The following FBXO42 variants were observed in gnomAD, a reference collection of about 807,000 sequenced individuals.
The protein encoded by FBXO42 is F-box only protein 42.
In FBXO42, 12 loss-of-function variants were observed where a neutral mutation model predicts 71.7. That is an observed-to-expected ratio of 0.17 (90% CI 0.11 to 0.27). FBXO42 has a LOEUF of 0.27. Among genes scored for constraint, FBXO42 ranks in the 10% least tolerant of loss-of-function variants. The pLI is 1.00. For synonymous variants in FBXO42, 325 were observed against 327.5 expected, an observed-to-expected ratio of 0.99 and a Z score of 0.08; for missense variants, 707 against 911.9, an observed-to-expected ratio of 0.78 and a Z score of 2.89.
chr1:16,308,512 T>C (rs1330010867), intron 2 of FBXO42, among the ~76,000 whole-genome samples: 3 of 148,746 alleles, frequency 2.0e-5, no homozygotes, highest in African/African-American at 5.1e-5. Flanking sequence ...TTTTTTTTTT[T>C]TCCTTTAGAC....
In FBXO42 at chr1:16,315,088, GA is replaced by G. The variant is rs376513483; in HGVS notation, c.250+80del. 13,268 of 1,479,292 alleles carry G rather than the reference GA, an allele frequency of 9.0e-3. 73 individuals carry two copies. The highest frequency in any genetic ancestry group is 0.01 in the Non-Finnish European group (11,486 of 1,098,134). The allele number at this position is 1,479,292 out of a possible 1,614,324, so 91.6% of individuals were successfully genotyped here. A position where few individuals can be genotyped will look rare whatever the true frequency, so the allele number is the denominator to read the frequency against. On this transcript the variant is annotated intron_variant, in intron 2 of 9. Transcript: ENST00000375592. ...TATAACCATAATACATTTAAGGGAG[GA>G]AAAAAACTAAATTTGGAGTCTAAAA...
intron 4 of FBXO42, chr1:16,292,897 A>G (rs2082093974): frequency 6.6e-6 from 1 of 152,178 alleles, no homozygotes; most frequent in African/African-American, 2.4e-5. Context: ...ATATTTTAGA[A>G]TCCATAACTC....
At chr1:16,279,415 C>A (rs2081937032) in intron 4 of FBXO42, among the ~76,000 whole-genome samples, 2 of 152,128 alleles carry the variant, frequency 1.3e-5, no homozygotes, top group African/African-American at 2.4e-5. Flanking sequence ...CCAGCCTGGG[C>A]AACAGAGTGA....
At chr1:16,269,021 G>A (rs1231209217) in intron 4 of FBXO42, among the ~76,000 whole-genome samples, 5 of 151,780 alleles carry the variant, frequency 3.3e-5, no homozygotes, top group Admixed American at 2.6e-4. Context: ...ATGTTGGCCA[G>A]GCTGGTCTCG....
intron 2 of FBXO42, among the ~76,000 whole-genome samples, chr1:16,313,674 AT>A (rs1169722219): frequency 1.3e-5 from 2 of 152,240 alleles, no homozygotes; most frequent in African/African-American, 4.8e-5. Flanking sequence ...CAAGGACTCC[AT>A]GAGAACCACC....
chr1:16,317,587 T>G (rs1027724681), intron 1 of FBXO42, among the ~76,000 whole-genome samples: 1 of 147,700 alleles, frequency 6.8e-6, no homozygotes, highest in African/African-American at 2.5e-5. Flanking sequence ...ACAGCAAGAC[T>G]CCATCTCAAA....
intron 1 of FBXO42, among the ~76,000 whole-genome samples, chr1:16,338,083 C>T (rs2082569199): frequency 6.6e-6 from 1 of 151,200 alleles, no homozygotes; most frequent in African/African-American, 2.4e-5. Flanking sequence ...CACAGTGAAA[C>T]CCCGTCTCCA....
chr1:16,272,916 T>C (rs182500254), intron 4 of FBXO42, among the ~76,000 whole-genome samples: 3 of 152,348 alleles, frequency 2.0e-5, no homozygotes, highest in East Asian at 1.9e-4. Flanking sequence ...TCCTGTTGAA[T>C]GGATGTAAAG....
At chr1:16,274,598 T>TG (rs1344328923) in intron 4 of FBXO42, among the ~76,000 whole-genome samples, 13 of 114,232 alleles carry the variant, frequency 1.1e-4, no homozygotes, top group Non-Finnish European at 2.0e-4. Context: ...GTTTTTTTTT[T>TG]TTTTTTTTTT....
At chr1:16,301,251 A>T (rs2082190592) in intron 3 of FBXO42, among the ~76,000 whole-genome samples, 1 of 152,070 alleles carries the variant, frequency 6.6e-6, no homozygotes. Flanking sequence ...ACTTTTCCAT[A>T]GGAAAGATAC....
intron 3 of FBXO42, among the ~76,000 whole-genome samples, chr1:16,304,925 C>T (rs1274526888): frequency 1.3e-5 from 2 of 151,994 alleles, no homozygotes; most frequent in African/African-American, 2.4e-5. Flanking sequence ...GCCAAGATTG[C>T]ACCACTGCAA....
chr1:16,296,189 T>C (rs146938864), intron 3 of FBXO42, among the ~76,000 whole-genome samples: 26 of 152,352 alleles, frequency 1.7e-4, no homozygotes, highest in Middle Eastern at 3.4e-3. Flanking sequence ...ATTTGCCATC[T>C]TGGATTTCAG....
intron 4 of FBXO42, among the ~76,000 whole-genome samples, chr1:16,281,487 T>G (rs1404274307): frequency 1.3e-5 from 2 of 150,276 alleles, no homozygotes; most frequent in East Asian, 1.9e-4. Context: ...TTTTTTTTTT[T>G]GAGATGGAGT....
intron 2 of FBXO42, among the ~76,000 whole-genome samples, chr1:16,314,724 A>C (rs1246982599): frequency 6.6e-6 from 1 of 152,084 alleles, no homozygotes; most frequent in Non-Finnish European, 1.5e-5. Context: ...CTCTAGTAAA[A>C]ATACAAAAAA....
chr1:16,335,322 G>T (rs888206199), intron 1 of FBXO42, among the ~76,000 whole-genome samples: 1 of 151,950 alleles, frequency 6.6e-6, no homozygotes, highest in African/African-American at 2.4e-5. Flanking sequence ...TTATTTTGTA[G>T]AGCCAGGATT....
rs569625377 is a variant in FBXO42 at position 16,315,751 on chromosome 1, C to T, written c.-17-316G>A. Among the ~76,000 whole-genome samples the T allele has an allele frequency of 1.1e-4, 16 of 152,242 alleles. 1 individual carries two copies. The South Asian group carries it at 3.3e-3, about 32-fold the overall frequency. On this transcript the variant is annotated intron_variant, in intron 1 of 9. Coordinates refer to ENST00000375592, the MANE Select transcript of FBXO42 (RefSeq NM_018994.3). Reference sequence around the variant, plus strand: ...CTAACTCAAGGATCTGACTGACCGACAGCAAAGGGAAGAGCAACTAGCCTC... The same window carrying T: ...CTAACTCAAGGATCTGACTGACCGATAGCAAAGGGAAGAGCAACTAGCCTC...
intron 1 of FBXO42, among the ~76,000 whole-genome samples, chr1:16,338,781 TG>T (rs2082576223): frequency 6.8e-6 from 1 of 148,118 alleles, no homozygotes. Context: ...TGTGATGGAA[TG>T]GAACATTTTA....
At chr1:16,286,504 G>T (rs1041439786) in intron 4 of FBXO42, among the ~76,000 whole-genome samples, 3 of 152,158 alleles carry the variant, frequency 2.0e-5, no homozygotes, top group African/African-American at 7.2e-5. Context: ...CCACCCCCAT[G>T]ATCCAATTAC....
chr1:16,341,733 G>A (rs1438670834), intron 1 of FBXO42, among the ~76,000 whole-genome samples: 1 of 151,636 alleles, frequency 6.6e-6, no homozygotes, highest in Non-Finnish European at 1.5e-5. Context: ...CGCTTTGGTA[G>A]GCCAAGGCGG....
Sources: allele counts gnomAD v4.1 joint callset (sites outside exome capture counted in the v4.1 genomes callset), GRCh38; gene constraint gnomAD v4.1.1; transcripts MANE v1.5; gene names NCBI Gene and HGNC (gene_info 2026-07-23, HGNC 2026-07-21).